The following LRP6 variants were observed in gnomAD, a reference collection of about 807,000 sequenced individuals.
LRP6 encodes LDL receptor related protein 6, also known as low-density lipoprotein receptor-related protein 6.
Under a neutral mutation model 184.1 loss-of-function variants are expected in LRP6, and 43 were observed. The observed-to-expected ratio is 0.23, with a 90% CI of 0.18 to 0.30. LRP6 has a LOEUF of 0.30. Among genes scored for constraint, LRP6 ranks in the 10% least tolerant of loss-of-function variants. LRP6 has a pLI of 1.00. For missense variants in LRP6, 1,571 were observed against 2,005.3 expected (o/e 0.78, Z 4.14); for synonymous variants, 719 against 684.9 (o/e 1.05, Z -0.78).
Position 12,169,769 on chromosome 12 carries a change from T to A in LRP6, c.1546-4474A>T, listed in dbSNP as rs1027487812. Among the ~76,000 whole-genome samples, 6 of 152,352 alleles carry A rather than the reference T, an allele frequency of 3.9e-5. No homozygotes were observed. The South Asian group carries it at 8.3e-4, about 21-fold the overall frequency. ...AAAAGCAAAAACTAAAAGGTCTTTT[T>A]TTGGTAATGACGTAAATACAAAAGC... On this transcript the variant is annotated intron_variant, in intron 7 of 22. Coordinates refer to ENST00000261349, the MANE Select transcript of LRP6 (RefSeq NM_002336.3).
Position 12,173,946 on chromosome 12 carries a change from T to C in LRP6, c.1545+5864A>G, listed in dbSNP as rs553483619. 4.1e-4 allele frequency among the ~76,000 whole-genome samples: 63 copies of C among 152,218 alleles called. 1 individual carries two copies. Among genetic ancestry groups the C allele is most frequent in the Admixed American group, 2.4e-3 (37 of 15,296 alleles). On this transcript the variant is annotated intron_variant, in intron 7 of 22. Transcript: ENST00000261349. ...TGAGTTGAGGAATCTAATGATGGAGTTTATCAATATCATTCTTCTCTGATC... is the reference window on the plus strand; with the variant it reads ...TGAGTTGAGGAATCTAATGATGGAGCTTATCAATATCATTCTTCTCTGATC...
chr12:12,257,155 A>G (rs375981677), intron 1 of LRP6, among the ~76,000 whole-genome samples: 1 of 152,218 alleles, frequency 6.6e-6, no homozygotes, highest in East Asian at 1.9e-4. Flanking sequence ...GGGGATGATA[A>G]GCGTTCTGGA....
intron 2 of LRP6, among the ~76,000 whole-genome samples, chr12:12,228,434 T>C (rs1044578928): frequency 6.6e-6 from 1 of 152,144 alleles, no homozygotes; most frequent in Non-Finnish European, 1.5e-5. Flanking sequence ...GTAGATGTCT[T>C]CAGTTTATGC....
intron 2 of LRP6, among the ~76,000 whole-genome samples, chr12:12,212,270 G>C (rs533967129): frequency 2.0e-5 from 3 of 152,206 alleles, no homozygotes; most frequent in East Asian, 3.9e-4. Context: ...CTGCTCGTGA[G>C]ACCTCTTGTA....
intron 14 of LRP6, among the ~76,000 whole-genome samples, chr12:12,147,844 G>A (rs937473991): frequency 1.3e-5 from 2 of 151,798 alleles, no homozygotes; most frequent in African/African-American, 4.8e-5. Context: ...GCATGGTGGC[G>A]TGTGCCTGTA....
intron 3 of LRP6, among the ~76,000 whole-genome samples, chr12:12,192,474 A>C (rs565422387): frequency 6.6e-6 from 1 of 152,060 alleles, no homozygotes; most frequent in African/African-American, 2.4e-5. Context: ...CAAAAGGCAA[A>C]GGCTGTTAGA....
chr12:12,124,999 T>C (rs771205495), intron 21 of LRP6, among the ~76,000 whole-genome samples: 10 of 152,190 alleles, frequency 6.6e-5, no homozygotes, highest in South Asian at 4.1e-4. Context: ...CTTCCTCTTT[T>C]GGGAAGTCAT....
chr12:12,170,964 A>T (rs1312229971), intron 7 of LRP6, among the ~76,000 whole-genome samples: 1 of 152,168 alleles, frequency 6.6e-6, no homozygotes, highest in Non-Finnish European at 1.5e-5. Context: ...GCTATGTCAA[A>T]AAGGAAGTAT....
intron 2 of LRP6, among the ~76,000 whole-genome samples, chr12:12,237,510 T>C (rs1864955869): frequency 6.6e-6 from 1 of 151,982 alleles, no homozygotes; most frequent in African/African-American, 2.4e-5. Flanking sequence ...AAATATATAT[T>C]GCAAGGGAAA....
chr12:12,226,774 T>G (rs1159602461), intron 2 of LRP6: 1 of 152,230 alleles, frequency 6.6e-6, no homozygotes, highest in Non-Finnish European at 1.5e-5. Context: ...CGTTAGTATT[T>G]TTATAATATA....
chr12:12,234,947 AATT>A (rs1366410130), intron 2 of LRP6, among the ~76,000 whole-genome samples: 3 of 152,226 alleles, frequency 2.0e-5, no homozygotes, highest in Non-Finnish European at 4.4e-5. Context: ...AAAAAGCAGA[AATT>A]ATTAAGACTA....
At chr12:12,200,549 A>G (rs1166587924) in intron 3 of LRP6, among the ~76,000 whole-genome samples, 3 of 151,924 alleles carry the variant, frequency 2.0e-5, no homozygotes, top group Non-Finnish European at 2.9e-5. Context: ...TGCAGACCAG[A>G]TGTCTTCTTT....
At chr12:12,149,637 AT>A (rs1440464955) in intron 13 of LRP6, among the ~76,000 whole-genome samples, 1 of 152,192 alleles carries the variant, frequency 6.6e-6, no homozygotes, top group Non-Finnish European at 1.5e-5. Flanking sequence ...GCTGTTAAAC[AT>A]CCTACAATAT....
chr12:12,253,690 T>C (rs1462352044), intron 1 of LRP6, among the ~76,000 whole-genome samples: 1 of 151,818 alleles, frequency 6.6e-6, no homozygotes, highest in Admixed American at 6.6e-5. Context: ...TTTTCGTCCT[T>C]GCAATAGGAG....
At chr12:12,129,391 C>T (rs1034828525) in intron 19 of LRP6, among the ~76,000 whole-genome samples, 1 of 152,158 alleles carries the variant, frequency 6.6e-6, no homozygotes, top group African/African-American at 2.4e-5. Context: ...CTTGCTGACA[C>T]CCCTCAACAG....
chr12:12,123,064 T>C (rs919547800), intron 22 of LRP6, among the ~76,000 whole-genome samples: 1 of 150,418 alleles, frequency 6.6e-6, no homozygotes, highest in African/African-American at 2.4e-5. Context: ...GAAAACAAAC[T>C]GAATTAATAA....
intron 12 of LRP6, among the ~76,000 whole-genome samples, chr12:12,156,468 T>C (rs933401738): frequency 6.6e-6 from 1 of 152,090 alleles, no homozygotes; most frequent in Non-Finnish European, 1.5e-5. Context: ...AAATGTGGGG[T>C]ATAGGTCATG....
At chr12:12,224,544 CAG>C (rs1864566272) in intron 2 of LRP6, among the ~76,000 whole-genome samples, 1 of 151,878 alleles carries the variant, frequency 6.6e-6, no homozygotes, top group Non-Finnish European at 1.5e-5. Flanking sequence ...ATATAGAAAA[CAG>C]ATTTCATATC....
At chr12:12,171,031 G>A (rs898277961) in intron 7 of LRP6, among the ~76,000 whole-genome samples, 2 of 151,880 alleles carry the variant, frequency 1.3e-5, no homozygotes, top group African/African-American at 4.8e-5. Context: ...TAGCCCTCCT[G>A]CTTAAGACAC....
Sources: gnomAD v4.1 joint callset for allele counts (sites outside exome capture counted in the v4.1 genomes callset) on GRCh38, gnomAD v4.1.1 for gene constraint, MANE v1.5 for transcripts, NCBI Gene and HGNC (gene_info 2026-07-23, HGNC 2026-07-21) for gene names.